TPX2: variants seen among roughly 807,000 people sequenced by gnomAD.
TPX2 encodes the protein TPX2 microtubule nucleation factor.
Under a neutral mutation model 93.6 loss-of-function variants are expected in TPX2, and 21 were observed. The observed-to-expected ratio is 0.22, with a 90% CI of 0.16 to 0.32. The LOEUF is 0.32. Among genes scored for constraint, TPX2 ranks in the 10% least tolerant of loss-of-function variants. The pLI, the probability that TPX2 is intolerant of heterozygous loss-of-function variation, is 1.00. For synonymous variants in TPX2, 281 were observed against 298.3 expected (o/e 0.94, Z 0.60); for missense variants, 776 against 871.1 (o/e 0.89, Z 1.37).
In TPX2 at chr20:31,783,731, A is replaced by T. The variant is rs2062048627; in HGVS notation, c.1223A>T (p.Asp408Val). 6.2e-7 allele frequency: 1 copy of T among 1,608,252 alleles called. No homozygotes were observed. The highest frequency in any genetic ancestry group is 8.5e-7 in the Non-Finnish European group (1 of 1,178,750). Residue 408 changes from aspartate (D) to valine (V), a missense_variant, in exon 12 of 18, where the codon GAT becomes GTT. This residue lies in a region of TPX2 where 461 missense variants were observed against 551.2 expected (regional missense o/e 0.84). Coordinates refer to ENST00000300403, the MANE Select transcript of TPX2 (RefSeq NM_012112.5). ...QQYKFKAREL[D>V]PRILEGGPIL... The stretch of plus-strand genomic sequence containing the variant: ...TACAAATTCAAAGCACGTGAACTTG[A>T]TCCCAGAATACTTGAAGGTGGGCCC...
chr20:31,773,214 C>T (rs1432106948), intron 7 of TPX2, among the ~76,000 whole-genome samples: 2 of 148,232 alleles, frequency 1.3e-5, no homozygotes, highest in Non-Finnish European at 3.0e-5. Flanking sequence ...TGCAGTGGCA[C>T]GATTTCGGCT....
chr20:31,794,889 C>T (rs1476487010), intron 15 of TPX2, among the ~76,000 whole-genome samples: 3 of 151,780 alleles, frequency 2.0e-5, no homozygotes, highest in Non-Finnish European at 4.4e-5. Context: ...GGCACAATCT[C>T]GGCTCACTGC....
At chr20:31,769,074 A>G (rs983355254) in intron 5 of TPX2, among the ~76,000 whole-genome samples, 6 of 152,240 alleles carry the variant, frequency 3.9e-5, no homozygotes, top group African/African-American at 1.4e-4. Context: ...TAAGCCAGAC[A>G]GAAAAGAATA....
intron 7 of TPX2, among the ~76,000 whole-genome samples, chr20:31,775,605 A>C (rs1296751794): frequency 6.6e-6 from 1 of 151,958 alleles, no homozygotes; most frequent in Non-Finnish European, 1.5e-5. Context: ...TGAACTCCTG[A>C]CCTCAGGTGA....
intron 5 of TPX2, 82 bp downstream of exon 5, chr20:31,766,764 C>A: frequency 1.3e-4 from 140 of 1,097,090 alleles, no homozygotes; most frequent in Middle Eastern, 2.4e-4. Flanking sequence ...TATTATGTGT[C>A]TATACTGTGT....
At chr20:31,748,946 A>AT (rs11482521) in intron 2 of TPX2, among the ~76,000 whole-genome samples, 9,254 of 141,444 alleles carry the variant, frequency 0.065, 320 homozygotes, top group Middle Eastern at 0.076. Context: ...TTAAATGTGA[A>AT]TTTTTTTTTT....
intron 9 of TPX2, among the ~76,000 whole-genome samples, chr20:31,778,344 G>C (rs1031277155): frequency 6.6e-6 from 1 of 152,116 alleles, no homozygotes; most frequent in African/African-American, 2.4e-5. Context: ...CAAAATTACT[G>C]GTCCAAGGAA....
Position 31,766,628 on chromosome 20 carries a change from C to T in TPX2, c.302C>T (p.Ser101Phe), listed in dbSNP as rs755205786. The T allele has an allele frequency of 1.2e-6, 2 of 1,613,830 alleles. No individual in the cohort carries two copies. Among genetic ancestry groups the T allele is most frequent in the Non-Finnish European group, 1.7e-6 (2 of 1,179,962 alleles). ...CAATCCATTCCGTCAAATGCTTGTT[C>T]TTCCCTGGAAGTTGAGGCAGCCATA... ...VEQSIPSNAC[S>F]SLEVEAAISR... Residue 101 changes from serine to phenylalanine, a missense_variant, in exon 5 of 18, where the codon TCT (serine) becomes TTT (phenylalanine). By Grantham distance (155) the Ser-to-Phe change is radical (BLOSUM62 -2). Coordinates refer to ENST00000300403, the MANE Select transcript of TPX2 (RefSeq NM_012112.5).
intron 2 of TPX2, among the ~76,000 whole-genome samples, chr20:31,743,867 C>T (rs980702198): frequency 1.3e-5 from 2 of 151,660 alleles, no homozygotes; most frequent in South Asian, 4.2e-4. Flanking sequence ...GCTGGGACTA[C>T]AGGCATGCCA....
chr20:31,776,331 C>G (rs1165522729), intron 8 of TPX2, among the ~76,000 whole-genome samples: 1 of 151,768 alleles, frequency 6.6e-6, no homozygotes, highest in Non-Finnish European at 1.5e-5. Flanking sequence ...CCACCCGCCT[C>G]GGCCTCCCAA....
intron 13 of TPX2, 65 bp downstream of exon 13, chr20:31,792,895 A>G: frequency 6.9e-7 from 1 of 1,450,202 alleles, no homozygotes; most frequent in Non-Finnish European, 9.7e-7. Context: ...AAGCCTTATC[A>G]TTTATTAATC....
At chr20:31,784,488 A>G (rs1033501248) in intron 12 of TPX2, among the ~76,000 whole-genome samples, 1 of 152,042 alleles carries the variant, frequency 6.6e-6, no homozygotes. Flanking sequence ...GAGTTCAGAC[A>G]CTCTAGCTAC....
chr20:31,764,327 C>A (rs1232589297), intron 4 of TPX2, among the ~76,000 whole-genome samples: 1 of 151,940 alleles, frequency 6.6e-6, no homozygotes, highest in Non-Finnish European at 1.5e-5. Context: ...CACTACCATG[C>A]CTAGCTAGTT....
At chr20:31,739,912 T>C (rs2061744168) in intron 1 of TPX2, among the ~76,000 whole-genome samples, 1 of 152,212 alleles carries the variant, frequency 6.6e-6, no homozygotes. Flanking sequence ...AACTGTTGTC[T>C]AAAACAGGAA....
At chr20:31,797,027 C>T (rs2062142806) in intron 15 of TPX2, among the ~76,000 whole-genome samples, 1 of 150,012 alleles carries the variant, frequency 6.7e-6, no homozygotes, top group Admixed American at 6.7e-5. Context: ...AACTTTAGCA[C>T]ACCAACATGG....
At chr20:31,795,728 A>G (rs957174697) in intron 15 of TPX2, among the ~76,000 whole-genome samples, 1 of 152,254 alleles carries the variant, frequency 6.6e-6, no homozygotes, top group South Asian at 2.1e-4. Context: ...GAAATATACA[A>G]TGCTGTTTTC....
chr20:31,749,489 A>G (rs2061805132), intron 2 of TPX2, among the ~76,000 whole-genome samples: 1 of 152,196 alleles, frequency 6.6e-6, no homozygotes, highest in Non-Finnish European at 1.5e-5. Flanking sequence ...GGCATGTCAT[A>G]AGTGCTCATT....
chr20:31,771,495 G>C, intron 6 of TPX2, 65 bp from the exon 7 acceptor site: 2 of 1,552,120 alleles, frequency 1.3e-6, no homozygotes, highest in South Asian at 2.5e-5. Context: ...AGTAGATTTG[G>C]GGAGGAGGGT....
intron 8 of TPX2, 113 bp downstream of exon 8, chr20:31,776,101 T>A: frequency 4.1e-6 from 4 of 968,530 alleles, no homozygotes; most frequent in Non-Finnish European, 5.1e-6. Context: ...TGAGACGGAG[T>A]CTCGCTCTGT....
Sources: gnomAD v4.1 joint callset for allele counts (sites outside exome capture counted in the v4.1 genomes callset) on GRCh38, gnomAD v4.1.1 for gene constraint, gnomAD v4.1.1 regional missense constraint, MANE v1.5 for transcripts, NCBI Gene and HGNC (gene_info 2026-07-23, HGNC 2026-07-21) for gene names.